DMRTA1: variants seen among roughly 807,000 people sequenced by gnomAD.
The protein encoded by DMRTA1 is DMRT like family A1.
DMRTA1 carries 34 observed loss-of-function variants against 35.2 expected under a neutral mutation model. The observed-to-expected ratio is 0.97, with a 90% CI of 0.74 to 1.29. The LOEUF (loss-of-function observed/expected upper bound fraction) is 1.29. DMRTA1 is among the 50% of genes most tolerant of loss of function. The pLI is 0.00. For synonymous variants in DMRTA1, 344 were observed against 276.6 expected (o/e 1.24, Z -2.42); for missense variants, 824 against 644.6 (o/e 1.28, Z -3.01).
rs1319092367 is a variant in DMRTA1, at chr9:22,454,719, C to G, written c.*2808C>G. The G allele has an allele frequency of 6.6e-6, 1 of 152,116 alleles. No homozygotes were observed. Among genetic ancestry groups the G allele is most frequent in the Non-Finnish European group, 1.5e-5 (1 of 68,000 alleles). The allele number at this position is 152,116 out of a possible 1,614,324, so 9.4% of individuals were successfully genotyped here. ...ATAACAAAAATGAATTGGGTTTATT[C>G]TGTATCATATAGAGGGCCTAAGAGG... On this transcript the variant is annotated 3_prime_UTR_variant, in exon 2 of 2. Coordinates refer to ENST00000325870, the MANE Select transcript of DMRTA1 (RefSeq NM_022160.3).
At chr9:22,451,018 G>T (rs755916609) in intron 1 of DMRTA1, 46 bp from the exon 2 acceptor site, 1 of 1,563,944 alleles carries the variant, frequency 6.4e-7, no homozygotes, top group Non-Finnish European at 8.6e-7. Flanking sequence ...ACCACATTCT[G>T]GGAAGTCTTC....
rs570387910 is a variant in DMRTA1, at chr9:22,447,557, C to A, written c.492C>A (p.Leu164=). Residue 164 remains leucine, a synonymous_variant, in exon 1 of 2, where the codon CTC becomes CTA. Transcript: ENST00000325870. ...RGLQRLLCSG[L]SWPPGGRASG... ...TACAGAGGCTCCTGTGCTCGGGGCT[C>A]TCCTGGCCCCCCGGTGGTCGGGCAT... is the stretch of plus-strand genomic sequence containing the variant. 2 of 1,593,990 alleles carry A rather than the reference C, an allele frequency of 1.3e-6. No individual in the cohort carries two copies. The highest frequency in any genetic ancestry group is 2.3e-5 in the East Asian group (1 of 43,966).
Position 22,451,512 on chromosome 9 carries a change from C to T in DMRTA1, c.1116C>T (p.Asp372=), listed in dbSNP as rs1818927874. Residue 372 remains aspartate, a synonymous_variant, in exon 2 of 2, where the codon GAC becomes GAT. Coordinates refer to ENST00000325870, the MANE Select transcript of DMRTA1 (RefSeq NM_022160.3). ...QVLNGKEHKP[D]NRNLANSEEL... The stretch of plus-strand genomic sequence containing the variant: ...TAAATGGCAAAGAACACAAGCCAGA[C>T]AACAGGAACCTAGCAAACTCAGAAG... The T allele has an allele frequency of 6.2e-7, 1 of 1,614,156 alleles. No individual in the cohort carries two copies. The highest frequency in any genetic ancestry group is 1.3e-5 in the African/African-American group (1 of 75,038).
Position 22,454,915 on chromosome 9 carries a change from T to C in DMRTA1, c.*3004T>C, listed in dbSNP as rs1191203560. ...GATTGATGGGATTTTTAATTACTGC[T>C]TTAATATTGGGACTGAATCATTTTG... On this transcript the variant is annotated 3_prime_UTR_variant, in exon 2 of 2. Coordinates refer to ENST00000325870, the MANE Select transcript of DMRTA1 (RefSeq NM_022160.3). 2 of 152,176 alleles carry C rather than the reference T, an allele frequency of 1.3e-5. No homozygotes were observed. Among genetic ancestry groups the C allele is most frequent in the Non-Finnish European group, 2.9e-5 (2 of 68,012 alleles). 9.4% of individuals were successfully genotyped at this position (152,176 alleles called of 1,614,324 possible).
At position 22,454,457 on chromosome 9, in the gene DMRTA1, C is replaced by G. The variant is rs887291641; in HGVS notation, c.*2546C>G. The G allele has an allele frequency of 6.6e-6, 1 of 152,152 alleles. No individual in the cohort carries two copies. The highest frequency in any genetic ancestry group is 2.4e-5 in the African/African-American group (1 of 41,438). The allele number at this position is 152,152 out of a possible 1,614,324, so 9.4% of individuals were successfully genotyped here. On this transcript the variant is annotated 3_prime_UTR_variant, in exon 2 of 2. Transcript: ENST00000325870. Reference sequence around the variant, plus strand: ...TTTGTGCCATGCACTGTGTTAGACACAAGAGATAAAGAAATGATTAAGATA... The same window carrying G: ...TTTGTGCCATGCACTGTGTTAGACAGAAGAGATAAAGAAATGATTAAGATA...
rs1203191096 is a variant in DMRTA1, at chr9:22,451,431, A to G, written c.1035A>G (p.Leu345=). Residue 345 remains leucine, a synonymous_variant, in exon 2 of 2, where the codon CTA becomes CTG. Transcript: ENST00000325870. The part of the protein sequence containing the change: ...KIFPNYRRSR[L]EGILRFCKGD... Reference sequence around the variant, plus strand: ...TCCCAAATTACAGGCGCAGCCGGCTAGAAGGCATTCTACGGTTCTGCAAAG... The same window carrying G: ...TCCCAAATTACAGGCGCAGCCGGCTGGAAGGCATTCTACGGTTCTGCAAAG... The G allele has an allele frequency of 2.5e-6, 4 of 1,614,194 alleles. No individual in the cohort carries two copies. The highest frequency in any genetic ancestry group is 2.5e-6 in the Non-Finnish European group (3 of 1,179,998).
Position 22,447,623 on chromosome 9 carries a change from C to T in DMRTA1, c.558C>T (p.Gly186=). The change falls in exon 1 of 2, where the codon GGC becomes GGT. Residue 186 remains glycine, a synonymous_variant. Coordinates refer to ENST00000325870, the MANE Select transcript of DMRTA1 (RefSeq NM_022160.3). ...GGRAENPQST[G]GPAAGAALGL... ...GAGCCGAGAATCCACAGTCCACGGG[C>T]GGCCCTGCGGCGGGGGCTGCGCTGG... 1.2e-6 allele frequency: 2 copies of T among 1,610,522 alleles called. No homozygotes were observed. The highest frequency in any genetic ancestry group is 1.1e-5 in the South Asian group (1 of 90,824).
At position 22,447,468 on chromosome 9, in the gene DMRTA1, G is replaced by T. The variant is rs549110334; in HGVS notation, c.403G>T (p.Val135Phe). The change falls in exon 1 of 2, where the codon GTC becomes TTC. Residue 135 changes from valine (V) to phenylalanine (F), a missense_variant. Coordinates refer to ENST00000325870, the MANE Select transcript of DMRTA1 (RefSeq NM_022160.3). Reference protein sequence around the residue: ...KCTLIAERQRVMAAQVALRRQ... With the variant: ...KCTLIAERQRFMAAQVALRRQ... ...CACCCTGATCGCCGAGCGCCAGCGC[G>T]TCATGGCCGCCCAGGTGGCGCTGCG... 3 of 1,555,136 alleles carry T rather than the reference G, an allele frequency of 1.9e-6. No individual in the cohort carries two copies. Among genetic ancestry groups the T allele is most frequent in the African/African-American group, 2.7e-5 (2 of 72,968 alleles).
rs750776463 is a variant in DMRTA1, at chr9:22,447,495, A to C, written c.430A>C (p.Arg144=). The change falls in exon 1 of 2, where the codon AGG becomes CGG. Residue 144 remains arginine, a synonymous_variant. Coordinates refer to ENST00000325870, the MANE Select transcript of DMRTA1 (RefSeq NM_022160.3). The part of the protein sequence containing the change: ...RVMAAQVALR[R]QQAQEESEAR... ...CATGGCCGCCCAGGTGGCGCTGCGC[A>C]GGCAGCAGGCGCAGGAGGAGAGCGA... The C allele has an allele frequency of 1.3e-5, 20 of 1,563,094 alleles. No homozygotes were observed. In the South Asian group the frequency reaches 2.3e-4, roughly 18 times the overall value.
rs1318182409 is a variant in DMRTA1, at chr9:22,446,841, C to G, written c.-225C>G. 8 of 551,044 alleles carry G rather than the reference C, an allele frequency of 1.5e-5. No individual in the cohort carries two copies. Among genetic ancestry groups the G allele is most frequent in the South Asian group, 2.5e-5 (1 of 39,694 alleles). 34.1% of individuals were successfully genotyped at this position (551,044 alleles called of 1,614,324 possible). A position where few individuals can be genotyped will look rare whatever the true frequency, so the allele number is the denominator to read the frequency against. Reference sequence around the variant, plus strand: ...AAGGCATTAACTTAGCGCCCGGGGTCTCTGCCAGGCTCACGGGACAGCTGC... The same window carrying G: ...AAGGCATTAACTTAGCGCCCGGGGTGTCTGCCAGGCTCACGGGACAGCTGC... On this transcript the variant is annotated 5_prime_UTR_variant, in exon 1 of 2. Coordinates refer to ENST00000325870, the MANE Select transcript of DMRTA1 (RefSeq NM_022160.3).
rs1818916688 is a variant in DMRTA1 at position 22,451,065 on chromosome 9, A to G, written c.669A>G (p.Glu223=). ...FQQDYPEEKQ[E]QKESKCESCQ... Reference sequence around the variant, plus strand: ...TTTTTTTTTCCCCCTCTTCTCCAGAACAAAAAGAGAGTAAATGTGAGTCAT... The same window carrying G: ...TTTTTTTTTCCCCCTCTTCTCCAGAGCAAAAAGAGAGTAAATGTGAGTCAT... The change falls in exon 2 of 2, where the codon GAA becomes GAG. Residue 223 remains glutamate (E), a splice_region_variant and synonymous_variant. Coordinates refer to ENST00000325870, the MANE Select transcript of DMRTA1 (RefSeq NM_022160.3). The G allele has an allele frequency of 6.2e-7, 1 of 1,609,158 alleles. No individual in the cohort carries two copies. Among genetic ancestry groups the G allele is most frequent in the Non-Finnish European group, 8.5e-7 (1 of 1,177,922 alleles).
In DMRTA1 at chr9:22,453,451, A is replaced by C. The variant is rs962472715; in HGVS notation, c.*1540A>C. ...ACTTCAGAGTATCTGATGCTGATTTAGGATGTAAATGTGTTTATTAGGTTA... is the reference window on the plus strand; with the variant it reads ...ACTTCAGAGTATCTGATGCTGATTTCGGATGTAAATGTGTTTATTAGGTTA... On this transcript the variant is annotated 3_prime_UTR_variant, in exon 2 of 2. Coordinates refer to ENST00000325870, the MANE Select transcript of DMRTA1 (RefSeq NM_022160.3). 128 of 152,120 alleles carry C rather than the reference A, an allele frequency of 8.4e-4. 8 individuals carry two copies. Among genetic ancestry groups the C allele is most frequent in the Non-Finnish European group, 1.2e-4 (8 of 67,958 alleles). 9.4% of individuals were successfully genotyped at this position (152,120 alleles called of 1,614,324 possible).
Position 22,447,111 on chromosome 9 carries a change from C to A in DMRTA1, c.46C>A (p.Arg16=). ...CGSRDRGVSG[R]PHLAPGLVVA... ...CAGCAGAGACCGAGGCGTTAGCGGC[C>A]GACCTCACTTGGCCCCTGGGCTAGT... The change falls in exon 1 of 2, where the codon CGA becomes AGA. Residue 16 remains arginine, a synonymous_variant. Transcript: ENST00000325870. The A allele has an allele frequency of 6.2e-7, 1 of 1,609,304 alleles. No homozygotes were observed. The highest frequency in any genetic ancestry group is 8.5e-7 in the Non-Finnish European group (1 of 1,178,592).
Position 22,454,068 on chromosome 9 carries a change from A to T in DMRTA1, c.*2157A>T, listed in dbSNP as rs1392842826. The T allele has an allele frequency of 1.3e-5, 2 of 152,156 alleles. No individual in the cohort carries two copies. The highest frequency in any genetic ancestry group is 6.5e-5 in the Admixed American group (1 of 15,270). 9.4% of individuals were successfully genotyped at this position (152,156 alleles called of 1,614,324 possible). ...GTTTTATAATCATAAAACTTAATTT[A>T]TATAATGCCTTACACATTCCATACT... On this transcript the variant is annotated 3_prime_UTR_variant, in exon 2 of 2. Transcript: ENST00000325870.
chr9:22,451,406 T>C lies in DMRTA1; in HGVS notation c.1010T>C (p.Phe337Ser). Residue 337 changes from phenylalanine (F) to serine (S), a missense_variant, in exon 2 of 2, where the codon TTC (phenylalanine) becomes TCC (serine). Phe to Ser is a radical substitution (Grantham distance 155). Transcript: ENST00000325870. ...RDPLDILTKIFPNYRRSRLEG... is the reference protein window; with the variant it reads ...RDPLDILTKISPNYRRSRLEG... The stretch of plus-strand genomic sequence containing the variant: ...CCTCTTGATATCCTTACTAAGATTT[T>C]CCCAAATTACAGGCGCAGCCGGCTA... 3 of 1,614,130 alleles carry C rather than the reference T, an allele frequency of 1.9e-6. No individual in the cohort carries two copies. Among genetic ancestry groups the C allele is most frequent in the Non-Finnish European group, 2.5e-6 (3 of 1,179,988 alleles).
rs1818976064 is a variant in DMRTA1 at position 22,454,367 on chromosome 9, AT to A, written c.*2457del. On this transcript the variant is annotated 3_prime_UTR_variant, in exon 2 of 2. Coordinates refer to ENST00000325870, the MANE Select transcript of DMRTA1 (RefSeq NM_022160.3). ...CTAGATTTCCACTGACTGAAAAAAAATAAAAGCAAGTATTAGCTTAATAATT... is the reference window on the plus strand; with the variant it reads ...CTAGATTTCCACTGACTGAAAAAAAAAAAAGCAAGTATTAGCTTAATAATT... 6.6e-6 allele frequency: 1 copy of A among 152,166 alleles called. No homozygotes were observed. The highest frequency in any genetic ancestry group is 2.1e-4 in the South Asian group (1 of 4,834). 9.4% of individuals were successfully genotyped at this position (152,166 alleles called of 1,614,324 possible).
Position 22,455,664 on chromosome 9 carries a change from GT to G in DMRTA1, c.*3757del, listed in dbSNP as rs1186119240. ...TGTTCATTTCATAGGCGAGCCACGTGTTTTGTAACATATTCTCGTATATGTT... is the reference window on the plus strand; with the variant it reads ...TGTTCATTTCATAGGCGAGCCACGTGTTTGTAACATATTCTCGTATATGTT... On this transcript the variant is annotated 3_prime_UTR_variant, in exon 2 of 2. Transcript: ENST00000325870. 1 of 152,120 alleles carries G rather than the reference GT, an allele frequency of 6.6e-6. No individual in the cohort carries two copies. The highest frequency in any genetic ancestry group is 2.4e-5 in the African/African-American group (1 of 41,422). 9.4% of individuals were successfully genotyped at this position (152,120 alleles called of 1,614,324 possible). A position where few individuals can be genotyped will look rare whatever the true frequency, so the allele number is the denominator to read the frequency against.
At position 22,447,698 on chromosome 9, in the gene DMRTA1, A is replaced by C; in HGVS notation, c.633A>C (p.Glu211Asp). 6.2e-7 allele frequency: 1 copy of C among 1,613,366 alleles called. No homozygotes were observed. The highest frequency in any genetic ancestry group is 8.5e-7 in the Non-Finnish European group (1 of 1,179,994). The change falls in exon 1 of 2, where the codon GAA becomes GAC. Residue 211 changes from glutamate to aspartate, a missense_variant. Glu to Asp is a conservative substitution (Grantham distance 45, BLOSUM62 2). Coordinates refer to ENST00000325870, the MANE Select transcript of DMRTA1 (RefSeq NM_022160.3). The part of the protein sequence containing the change: ...QASGSATPAF[E>D]VFQQDYPEEK... ...GTGGTTCCGCGACCCCCGCTTTCGA[A>C]GTTTTCCAGCAAGATTATCCTGAGG...
In DMRTA1 at chr9:22,453,152, A is replaced by C. The variant is rs1171040440; in HGVS notation, c.*1241A>C. The C allele has an allele frequency of 2.0e-5, 3 of 152,068 alleles. No individual in the cohort carries two copies. The highest frequency in any genetic ancestry group is 7.2e-5 in the African/African-American group (3 of 41,448). 9.4% of individuals were successfully genotyped at this position (152,068 alleles called of 1,614,324 possible). ...TTCTTTTTTGAAGGACAGTAGCTTC[A>C]TTGTTATTATTAGGAATAAATGGAA... is the stretch of plus-strand genomic sequence containing the variant. On this transcript the variant is annotated 3_prime_UTR_variant, in exon 2 of 2. Coordinates refer to ENST00000325870, the MANE Select transcript of DMRTA1 (RefSeq NM_022160.3).
Sources: allele counts gnomAD v4.1 joint callset, GRCh38; gene constraint gnomAD v4.1.1; transcripts MANE v1.5; gene names NCBI Gene and HGNC (gene_info 2026-07-23, HGNC 2026-07-21).